ERC2: variants seen among roughly 807,000 people sequenced by gnomAD.
ERC2 encodes ELKS/RAB6-interacting/CAST family member 2, also known as ERC protein 2.
Under a neutral mutation model 114.8 loss-of-function variants are expected in ERC2, and 42 were observed. The ratio of observed to expected loss-of-function variants is 0.37; its 90% CI spans 0.29 to 0.47. The LOEUF is 0.47. Among genes scored for constraint, ERC2 ranks in the 20% least tolerant of loss-of-function variants. The pLI is 0.99. For synonymous variants in ERC2, 454 were observed against 425.5 expected (o/e 1.07, Z -0.82); for missense variants, 939 against 1,150.7 (o/e 0.82, Z 2.66).
At chr3:55,700,988 G>C (rs1010577357) in intron 15 of ERC2, among the ~76,000 whole-genome samples, 1 of 152,162 alleles carries the variant, frequency 6.6e-6, no homozygotes. Context: ...AGGTCACGGA[G>C]AGTTGAGGAC....
intron 4 of ERC2, among the ~76,000 whole-genome samples, chr3:56,164,532 T>C (rs984400419): frequency 1.3e-5 from 2 of 152,112 alleles, no homozygotes; most frequent in Non-Finnish European, 2.9e-5. Context: ...CTTTTGCTAT[T>C]ATAAATAATG....
rs559501408 is a variant in ERC2, at chr3:56,192,770, C to T, written c.1075-19250G>A. 9.7e-4 allele frequency among the ~76,000 whole-genome samples: 148 copies of T among 152,242 alleles called. 1 individual carries two copies. The highest frequency in any genetic ancestry group is 6.0e-3 in the South Asian group (29 of 4,816). On this transcript the variant is annotated intron_variant, in intron 3 of 17. Transcript: ENST00000288221. ...ATGGGGTCTTGGAATGGAGCTAAGC[C>T]TGAAGAAGGTGACCCATTGGCCTCA...
At chr3:56,173,662 A>G (rs2082805781) in intron 3 of ERC2, 142 bp from the exon 4 acceptor site, 1 of 648,746 alleles carries the variant, frequency 1.5e-6, no homozygotes, top group Non-Finnish European at 2.6e-6. Context: ...CTTCCCCCAC[A>G]CTCTTTAGCA....
At chr3:55,719,405 G>C (rs1159273452) in intron 15 of ERC2, among the ~76,000 whole-genome samples, 1 of 152,212 alleles carries the variant, frequency 6.6e-6, no homozygotes, top group Non-Finnish European at 1.5e-5. Flanking sequence ...CATTGTTCTA[G>C]AAGCAGAAAA....
At chr3:55,539,423 T>C (rs1193432373) in intron 17 of ERC2, among the ~76,000 whole-genome samples, 3 of 105,518 alleles carry the variant, frequency 2.8e-5, no homozygotes, top group African/African-American at 7.1e-5. Context: ...TTCTTTTTTT[T>C]TTTTTTTTTT....
chr3:56,269,883 T>A (rs902165925), intron 3 of ERC2, among the ~76,000 whole-genome samples: 1 of 152,162 alleles, frequency 6.6e-6, no homozygotes, highest in African/African-American at 2.4e-5. Context: ...GAGGCTCTGG[T>A]CACTTGGGGA....
intron 12 of ERC2, among the ~76,000 whole-genome samples, chr3:55,968,861 T>C (rs1275029811): frequency 6.6e-6 from 1 of 152,190 alleles, no homozygotes; most frequent in East Asian, 1.9e-4. Context: ...TCTTTGCTGA[T>C]AAGAACTTTA....
At position 56,456,070 on chromosome 3, in the gene ERC2, C is replaced by T. The variant is rs1196830428; in HGVS notation, c.-141+12178G>A. Among the ~76,000 whole-genome samples the T allele has an allele frequency of 4.6e-5, 7 of 152,178 alleles. No homozygotes were observed. In the East Asian group the frequency reaches 1.3e-3, roughly 29 times the overall value. ...GATCTGGTAAATTTTATGCGTATCC[C>T]TTTCTCTCTTTGGTTACAAATGTAC... On this transcript the variant is annotated intron_variant, in intron 1 of 17. Coordinates refer to ENST00000288221, the MANE Select transcript of ERC2 (RefSeq NM_015576.3).
chr3:56,460,446 G>T (rs2063260562), intron 1 of ERC2, among the ~76,000 whole-genome samples: 1 of 152,138 alleles, frequency 6.6e-6, no homozygotes, highest in Non-Finnish European at 1.5e-5. Flanking sequence ...ACAGCCAAAG[G>T]CAAAGCTCCT....
chr3:55,933,555 A>G lies in ERC2; in HGVS notation c.2403+16870T>C, dbSNP rs377235539. On this transcript the variant is annotated intron_variant, in intron 13 of 17. Transcript: ENST00000288221. The stretch of plus-strand genomic sequence containing the variant: ...GGTTTTGTGGCTGCCTTTGCAGCCT[A>G]TATGTGCAGGGCTATATAAATACTC... Among the ~76,000 whole-genome samples the G allele has an allele frequency of 5.0e-3, 756 of 152,328 alleles. 6 individuals carry two copies. The highest frequency in any genetic ancestry group is 0.017 in the African/African-American group (720 of 41,580).
chr3:55,735,889 C>A (rs1181847292), intron 14 of ERC2, among the ~76,000 whole-genome samples: 1 of 152,150 alleles, frequency 6.6e-6, no homozygotes, highest in Non-Finnish European at 1.5e-5. Context: ...CTCAGCCTTC[C>A]TTATTTCAGT....
chr3:56,124,294 G>A (rs148977452), intron 6 of ERC2, among the ~76,000 whole-genome samples: 2 of 152,180 alleles, frequency 1.3e-5, no homozygotes, highest in Non-Finnish European at 2.9e-5. Context: ...TCTGTATAAG[G>A]CATCAGTTTG....
intron 17 of ERC2, among the ~76,000 whole-genome samples, chr3:55,627,961 A>G (rs1442216251): frequency 7.5e-6 from 1 of 133,912 alleles, no homozygotes; most frequent in Non-Finnish European, 1.5e-5. Flanking sequence ...TTTAGTGGTT[A>G]CTGATATATT....
intron 17 of ERC2, among the ~76,000 whole-genome samples, chr3:55,552,719 T>C (rs957788700): frequency 4.6e-5 from 7 of 151,836 alleles, no homozygotes; most frequent in African/African-American, 1.7e-4. Flanking sequence ...ACATTAGCAT[T>C]CATATAATTT....
chr3:56,265,120 G>C (rs1171545844), intron 3 of ERC2, among the ~76,000 whole-genome samples: 1 of 152,076 alleles, frequency 6.6e-6, no homozygotes, highest in East Asian at 1.9e-4. Context: ...GATTCATATG[G>C]AACCATGAAA....
chr3:56,138,051 CTTTTTTTTTTTTTT>C (rs920983143), intron 6 of ERC2, among the ~76,000 whole-genome samples: 8 of 92,632 alleles, frequency 8.6e-5, no homozygotes, highest in African/African-American at 2.8e-4. Context: ...AATGGTATTT[CTTTTTTTTTTTTTT>C]TTTTTTTTTT....
chr3:56,203,122 A>C (rs546747589), intron 3 of ERC2, among the ~76,000 whole-genome samples: 3 of 152,218 alleles, frequency 2.0e-5, no homozygotes, highest in South Asian at 4.1e-4. Flanking sequence ...GACAGTATAG[A>C]AGTTTCTTTG....
At chr3:56,344,417 A>G (rs1206197574) in intron 2 of ERC2, among the ~76,000 whole-genome samples, 1 of 152,142 alleles carries the variant, frequency 6.6e-6, no homozygotes, top group African/African-American at 2.4e-5. Flanking sequence ...AAAGCTCACA[A>G]TTACTGTAAC....
chr3:55,838,445 C>G (rs768966765), intron 14 of ERC2, among the ~76,000 whole-genome samples: 43 of 152,122 alleles, frequency 2.8e-4, no homozygotes, highest in Non-Finnish European at 6.0e-4. Flanking sequence ...AAATAACACA[C>G]TTTTATATAA....
Sources: allele counts gnomAD v4.1 joint callset (sites outside exome capture counted in the v4.1 genomes callset), GRCh38; gene constraint gnomAD v4.1.1; transcripts MANE v1.5; gene names NCBI Gene and HGNC (gene_info 2026-07-23, HGNC 2026-07-21).